MIER3: variants seen among roughly 807,000 people sequenced by gnomAD.
MIER3 encodes the protein MIER family member 3, also known as mesoderm induction early response protein 3.
MIER3 carries 9 observed loss-of-function variants against 63.2 expected under a neutral mutation model. The observed-to-expected ratio is 0.14, with a 90% CI of 0.09 to 0.25. The LOEUF is 0.25. Ranked by LOEUF, MIER3 falls within the 10% of genes least tolerant of loss-of-function variation. The probability of loss-of-function intolerance (pLI) is 1.00; values close to 1 mark genes in which losing one functional copy is unlikely to be tolerated. For missense variants in MIER3, 512 were observed against 666.2 expected, an observed-to-expected ratio of 0.77 and a Z score of 2.55; for synonymous variants, 205 against 224.9, an observed-to-expected ratio of 0.91 and a Z score of 0.79.
rs968969814 is a variant in MIER3, at chr5:56,933,152, T to C, written c.747+95A>G. On this transcript the variant is annotated intron_variant, in intron 8 of 12. Coordinates refer to ENST00000381199, the MANE Select transcript of MIER3 (RefSeq NM_001297599.2). ...ATTTTAAAACTCTTATCAGAAAAGATATCTACCTCACATGTTAAAAATATC... is the reference window on the plus strand; with the variant it reads ...ATTTTAAAACTCTTATCAGAAAAGACATCTACCTCACATGTTAAAAATATC... 3.1e-6 allele frequency: 4 copies of C among 1,292,312 alleles called. No individual in the cohort carries two copies. The African/African-American group carries it at 4.6e-5, about 15-fold the overall frequency. The allele number at this position is 1,292,312 out of a possible 1,614,324, so 80.1% of individuals were successfully genotyped here.
Position 56,933,310 on chromosome 5 carries a change from C to A in MIER3, c.684G>T (p.Arg228Ser), listed in dbSNP as rs1275099984. The change falls in exon 8 of 13, where the codon AGG (arginine) becomes AGT (serine). Residue 228 changes from arginine (R) to serine (S), a missense_variant. Arg to Ser is a moderately radical substitution (Grantham distance 110, BLOSUM62 -1). This residue lies in a region of MIER3 where 118 missense variants were observed against 133.6 expected (regional missense o/e 0.88). Coordinates refer to ENST00000381199, the MANE Select transcript of MIER3 (RefSeq NM_001297599.2). ...TATCCATTATTTTTTCACTGCCAGT[C>A]CTTAATGAAGTCTCAACAAGGTATT... is the stretch of plus-strand genomic sequence containing the variant. ...VKEYLVETSLRTGSEKIMDRI... is the reference protein window; with the variant it reads ...VKEYLVETSLSTGSEKIMDRI... The A allele has an allele frequency of 6.2e-7, 1 of 1,613,184 alleles. No homozygotes were observed. Among genetic ancestry groups the A allele is most frequent in the Non-Finnish European group, 8.5e-7 (1 of 1,179,656 alleles).
rs1003652807 is a variant in MIER3, at chr5:56,943,902, AG to A, written c.180+3023del. ...TTTTGTTGAACCTATTTACATTTTA[AG>A]GGACACAGTAGAGTCTAGTCACACT... is the stretch of plus-strand genomic sequence containing the variant. On this transcript the variant is annotated intron_variant, in intron 3 of 12. Coordinates refer to ENST00000381199, the MANE Select transcript of MIER3 (RefSeq NM_001297599.2). Among the ~76,000 whole-genome samples, 116 of 152,294 alleles carry A rather than the reference AG, an allele frequency of 7.6e-4. 1 individual carries two copies. Among genetic ancestry groups the A allele is most frequent in the African/African-American group, 2.6e-3 (110 of 41,560 alleles).
intron 3 of MIER3, among the ~76,000 whole-genome samples, chr5:56,940,570 T>C (rs746466749): frequency 1.4e-4 from 22 of 152,238 alleles, no homozygotes; most frequent in Admixed American, 1.2e-3. Context: ...AGGTATATGA[T>C]AGAACACTAA....
At chr5:56,950,075 C>T (rs186223048) in intron 2 of MIER3, among the ~76,000 whole-genome samples, 10 of 152,308 alleles carry the variant, frequency 6.6e-5, no homozygotes, top group South Asian at 2.1e-4. Flanking sequence ...CTAAGATCGT[C>T]TCAGCTCAGA....
chr5:56,933,189 TAAGAA>T, intron 8 of MIER3, 53 bp downstream of exon 8: 1 of 1,461,186 alleles, frequency 6.8e-7, no homozygotes, highest in South Asian at 1.5e-5. Flanking sequence ...GTATCAAATA[TAAGAA>T]ATCAAGAAGA....
At chr5:56,937,456 G>A in intron 5 of MIER3, 122 bp downstream of exon 5, 1 of 942,204 alleles carries the variant, frequency 1.1e-6, no homozygotes, top group South Asian at 2.5e-5. Context: ...AATTATAGAA[G>A]TATTTTATCT....
chr5:56,937,467 C>T (rs1222062105), intron 5 of MIER3, 111 bp downstream of exon 5: 2 of 1,080,818 alleles, frequency 1.9e-6, no homozygotes, highest in Non-Finnish European at 2.6e-6. Flanking sequence ...TATTTTATCT[C>T]AACCACATAA....
Position 56,931,632 on chromosome 5 carries a change from G to A in MIER3, c.748-887C>T, listed in dbSNP as rs143605661. Among the ~76,000 whole-genome samples, 187 of 152,252 alleles carry A rather than the reference G, an allele frequency of 1.2e-3. 2 individuals carry two copies. The highest frequency in any genetic ancestry group is 4.3e-3 in the African/African-American group (178 of 41,560). ...ATATTATCTTGCTGTAATAAAGACAGTAGAACCAAGGATCAGTATTATTCT... is the reference window on the plus strand; with the variant it reads ...ATATTATCTTGCTGTAATAAAGACAATAGAACCAAGGATCAGTATTATTCT... On this transcript the variant is annotated intron_variant, in intron 8 of 12. Transcript: ENST00000381199.
At position 56,922,772 on chromosome 5, in the gene MIER3, G is replaced by GTA; in HGVS notation, c.*355_*356insTA. The GTA allele has an allele frequency of 2.1e-5, 5 of 234,224 alleles. No individual in the cohort carries two copies. Among genetic ancestry groups the GTA allele is most frequent in the Admixed American group, 1.0e-4 (2 of 19,926 alleles). The allele number at this position is 234,224 out of a possible 1,614,324, so 14.5% of individuals were successfully genotyped here. On this transcript the variant is annotated 3_prime_UTR_variant, in exon 13 of 13. Transcript: ENST00000381199. ...ACATCTGTGCTGGTTTTGAGCTGGT[G>GTA]GCCTCTGTCTACAGGTTTTAAAATT... is the stretch of plus-strand genomic sequence containing the variant.
chr5:56,948,175 A>G (rs758423238), intron 2 of MIER3, among the ~76,000 whole-genome samples: 1 of 152,212 alleles, frequency 6.6e-6, no homozygotes, highest in Admixed American at 6.5e-5. Context: ...AACTGGGCCA[A>G]AGATTTTTCA....
chr5:56,946,052 G>A (rs1750814445), intron 3 of MIER3, among the ~76,000 whole-genome samples: 1 of 152,150 alleles, frequency 6.6e-6, no homozygotes, highest in Non-Finnish European at 1.5e-5. Flanking sequence ...CAAGTGGGCA[G>A]TTAAGTCACT....
In MIER3 at chr5:56,923,133, CAG is replaced by C. The variant is rs1749753691; in HGVS notation, c.1646_1647del (p.Ser549Ter). The C allele has an allele frequency of 6.2e-7, 1 of 1,612,342 alleles. No individual in the cohort carries two copies. Among genetic ancestry groups the C allele is most frequent in the African/African-American group, 1.3e-5 (1 of 75,020 alleles). ...HALHQHAALH[S>X]E ...TTCCGGGATCCTCACTCAGGTCACT[CAG>C]AGTGTAGGGCCGCGTGCTGATGCAG... On this transcript the variant is annotated frameshift_variant, in exon 13 of 13. Transcript: ENST00000381199. LOFTEE classifies it high-confidence loss of function.
chr5:56,949,614 C>T (rs2112156841), intron 2 of MIER3, among the ~76,000 whole-genome samples: 1 of 152,186 alleles, frequency 6.6e-6, no homozygotes, highest in South Asian at 2.1e-4. Context: ...TGTTATAATA[C>T]CTTAAATGAC....
At chr5:56,933,544 T>A in intron 7 of MIER3, 146 bp from the exon 8 acceptor site, 1 of 725,566 alleles carries the variant, frequency 1.4e-6, no homozygotes, top group Non-Finnish European at 2.1e-6. Context: ...ATCCGTTAAG[T>A]AGGGCCTTTC....
intron 7 of MIER3, among the ~76,000 whole-genome samples, chr5:56,934,023 C>T (rs962825556): frequency 6.6e-6 from 1 of 151,972 alleles, no homozygotes; most frequent in African/African-American, 2.4e-5. Flanking sequence ...AACAAAATGT[C>T]ATTAAAACAA....
intron 2 of MIER3, among the ~76,000 whole-genome samples, chr5:56,950,370 T>C (rs971076140): frequency 9.2e-5 from 14 of 152,172 alleles, no homozygotes; most frequent in African/African-American, 2.9e-4. Context: ...ATAAGATATG[T>C]AATAATTAAA....
intron 10 of MIER3, chr5:56,925,406 CAA>C: frequency 2.3e-6 from 1 of 441,282 alleles, no homozygotes; most frequent in South Asian, 1.7e-5. Flanking sequence ...GCACTTACAG[CAA>C]AGTTTCAGGA....
rs1056886404 is a variant in MIER3, at chr5:56,938,777, C to A, written c.315+106G>T. On this transcript the variant is annotated intron_variant, in intron 4 of 12. Transcript: ENST00000381199. Reference sequence around the variant, plus strand: ...AGCCACCAAAATAAGCACAATGGGTCAACAAGAAGTTTACATTTAAGAATT... The same window carrying A: ...AGCCACCAAAATAAGCACAATGGGTAAACAAGAAGTTTACATTTAAGAATT... 9 of 1,425,190 alleles carry A rather than the reference C, an allele frequency of 6.3e-6. No individual in the cohort carries two copies. In the African/African-American group the frequency reaches 1.0e-4, roughly 16 times the overall value. 88.3% of individuals were successfully genotyped at this position (1,425,190 alleles called of 1,614,324 possible). A position where few individuals can be genotyped will look rare whatever the true frequency, so the allele number is the denominator to read the frequency against.
intron 3 of MIER3, among the ~76,000 whole-genome samples, chr5:56,945,525 G>A (rs777634445): frequency 6.6e-6 from 1 of 152,088 alleles, no homozygotes; most frequent in Admixed American, 6.5e-5. Context: ...GCAGTAATAT[G>A]CATACATTAA....
Sources: gnomAD v4.1 joint callset for allele counts (sites outside exome capture counted in the v4.1 genomes callset) on GRCh38, gnomAD v4.1.1 for gene constraint, gnomAD v4.1.1 regional missense constraint, MANE v1.5 for transcripts, NCBI Gene and HGNC (gene_info 2026-07-23, HGNC 2026-07-21) for gene names.